Variants in POLB observed in about 807,000 individuals in gnomAD.
POLB encodes 5'-dRP lyase.
A neutral mutation model predicts 52.7 loss-of-function variants in POLB; 37 were observed. The observed-to-expected ratio is 0.70, with a 90% confidence interval of 0.54 to 0.92. The LOEUF (loss-of-function observed/expected upper bound fraction) is 0.92, where lower values mean the gene tolerates loss of function less well. Ranked by LOEUF, POLB falls within the 40% of genes least tolerant of loss-of-function variation. The pLI, the probability that POLB is intolerant of heterozygous loss-of-function variation, is 0.00. For synonymous variants in POLB, 138 were observed against 131.3 expected (o/e 1.05, Z -0.35); for missense variants, 313 against 400.8 (o/e 0.78, Z 1.87).
chr8:42,339,044 G>T lies in POLB; in HGVS notation c.94G>T (p.Ala32Ser), dbSNP rs770268348. 9 of 1,613,944 alleles carry T rather than the reference G, an allele frequency of 5.6e-6. No homozygotes were observed. The highest frequency in any genetic ancestry group is 2.2e-5 in the South Asian group (2 of 91,074). The change falls in exon 2 of 14, where the codon GCT becomes TCT. Residue 32 changes from alanine to serine, a missense_variant. This residue lies in a region of POLB where 54 missense variants were observed against 63.4 expected (regional missense o/e 0.85). Transcript: ENST00000265421. Reference protein sequence around the residue: ...LANFEKNVSQAIHKYNAYRKA... With the variant: ...LANFEKNVSQSIHKYNAYRKA... ...AAACTTTGAGAAGAACGTGAGCCAAGCTATCCACAAGTACAATGCTTACAG... is the reference window on the plus strand; with the variant it reads ...AAACTTTGAGAAGAACGTGAGCCAATCTATCCACAAGTACAATGCTTACAG...
At chr8:42,365,093 G>GAAAAAAA (rs905759863) in intron 11 of POLB, among the ~76,000 whole-genome samples, 2 of 145,764 alleles carry the variant, frequency 1.4e-5, no homozygotes, top group African/African-American at 5.1e-5. Flanking sequence ...TCTCAAAAAA[G>GAAAAAAA]AAAAAAAAAA....
chr8:42,341,777 G>T, intron 2 of POLB: 1 of 468,184 alleles, frequency 2.1e-6, no homozygotes, highest in Non-Finnish European at 4.1e-6. Flanking sequence ...TTAGCTCTCT[G>T]CAGCCCCCTC....
chr8:42,349,100 T>C lies in POLB; in HGVS notation c.261+10T>C. 1.3e-6 allele frequency: 2 copies of C among 1,495,490 alleles called. No homozygotes were observed. The highest frequency in any genetic ancestry group is 1.9e-6 in the Non-Finnish European group (2 of 1,074,532). The allele number at this position is 1,495,490 out of a possible 1,614,324, so 92.6% of individuals were successfully genotyped here. A position where few individuals can be genotyped will look rare whatever the true frequency, so the allele number is the denominator to read the frequency against. On this transcript the variant is annotated intron_variant, in intron 4 of 13. Coordinates refer to ENST00000265421, the MANE Select transcript of POLB (RefSeq NM_002690.3). ...ACGTAAACTGGAAAAGGTAAAATTT[T>C]AACTTGTTTACTTCATTAATTATAG...
intron 1 of POLB, 84 bp from the exon 2 acceptor site, chr8:42,338,928 A>G: frequency 8.3e-7 from 1 of 1,206,366 alleles, no homozygotes. Flanking sequence ...TGTCTCTTAG[A>G]GGCTGCCATA....
At chr8:42,360,453 G>C (rs368008541) in intron 9 of POLB, among the ~76,000 whole-genome samples, 2 of 152,058 alleles carry the variant, frequency 1.3e-5, no homozygotes, top group Non-Finnish European at 2.9e-5. Flanking sequence ...TGTATACCAG[G>C]CACTATAGTG....
At chr8:42,350,872 A>AT (rs34783985) in intron 5 of POLB, among the ~76,000 whole-genome samples, 2 of 148,146 alleles carry the variant, frequency 1.4e-5, no homozygotes, top group African/African-American at 2.5e-5. Flanking sequence ...AATTACAAAA[A>AT]TTTTTTTTTT....
At chr8:42,360,174 C>T (rs1435884502) in intron 9 of POLB, among the ~76,000 whole-genome samples, 2 of 150,320 alleles carry the variant, frequency 1.3e-5, no homozygotes, top group African/African-American at 4.9e-5. Context: ...CCAGGCTGGT[C>T]TTGACCTCCT....
At chr8:42,359,268 A>G (rs1405593531) in intron 9 of POLB, among the ~76,000 whole-genome samples, 2 of 152,186 alleles carry the variant, frequency 1.3e-5, no homozygotes, top group Non-Finnish European at 2.9e-5. Flanking sequence ...ATAAAGTTAC[A>G]TAATATATAT....
intron 2 of POLB, chr8:42,342,390 T>C: frequency 6.8e-7 from 1 of 1,466,174 alleles, no homozygotes; most frequent in South Asian, 1.1e-5. Flanking sequence ...ATTTTGGCAG[T>C]TCGTGTGCAT....
intron 2 of POLB, 75 bp downstream of exon 2, chr8:42,339,144 G>A (rs1461834291): frequency 1.1e-5 from 12 of 1,098,940 alleles, no homozygotes; most frequent in Admixed American, 6.8e-5. Flanking sequence ...ACAGGACTGA[G>A]GGCCCAGTGG....
At chr8:42,355,281 G>A (rs529125403) in intron 6 of POLB, among the ~76,000 whole-genome samples, 16 of 151,750 alleles carry the variant, frequency 1.1e-4, no homozygotes, top group Non-Finnish European at 2.1e-4. Context: ...CTTGTGATCC[G>A]CCCGCCTCGG....
chr8:42,338,660 CG>C lies in POLB; in HGVS notation c.41del (p.Gly14GlufsTer16). ...KRKAPQETLN[G>X]GITDMLTELA... ...GGAAGGCGCCGCAGGAGACTCTCAA[CG>C]GGGGAATCACCGACATGCTCACAGG... On this transcript the variant is annotated frameshift_variant, in exon 1 of 14. Coordinates refer to ENST00000265421, the MANE Select transcript of POLB (RefSeq NM_002690.3). LOFTEE classifies it high-confidence loss of function. The C allele has an allele frequency of 5.0e-6, 8 of 1,614,158 alleles. No homozygotes were observed. Among genetic ancestry groups the C allele is most frequent in the Non-Finnish European group, 6.8e-6 (8 of 1,179,966 alleles).
chr8:42,364,449 G>A (rs538123472), intron 11 of POLB, among the ~76,000 whole-genome samples: 9 of 151,890 alleles, frequency 5.9e-5, no homozygotes, highest in South Asian at 2.1e-4. Flanking sequence ...GACTGGTCTC[G>A]AACTCCTCAG....
At chr8:42,343,369 T>TATATATATATATATATATACAC (rs761101423) in intron 2 of POLB, among the ~76,000 whole-genome samples, 11 of 36,302 alleles carry the variant, frequency 3.0e-4, no homozygotes, top group Non-Finnish European at 6.7e-4. Context: ...TATATATATA[T>TATATATATATATATATATACAC]ACACAAAATT....
intron 13 of POLB, 99 bp from the exon 14 acceptor site, chr8:42,371,464 C>T: frequency 7.2e-5 from 32 of 444,674 alleles, no homozygotes; most frequent in Admixed American, 1.6e-4. Flanking sequence ...TTTCTTTTTT[C>T]TTCTGAAAGC....
rs559234851 is a variant in POLB, at chr8:42,344,687, C to T, written c.120-266C>T. ...ATCTCCACTAAAATACAAGAAGGCGCGCCTGTAGTCCCAGCTACTCGGGAG... is the reference window on the plus strand; with the variant it reads ...ATCTCCACTAAAATACAAGAAGGCGTGCCTGTAGTCCCAGCTACTCGGGAG... On this transcript the variant is annotated intron_variant, in intron 2 of 13. Coordinates refer to ENST00000265421, the MANE Select transcript of POLB (RefSeq NM_002690.3). Among the ~76,000 whole-genome samples, 18 of 150,880 alleles carry T rather than the reference C, an allele frequency of 1.2e-4. No individual in the cohort carries two copies. In the South Asian group the frequency reaches 2.5e-3, roughly 21 times the overall value.
At chr8:42,369,461 G>T (rs1824244265) in intron 12 of POLB, 126 bp downstream of exon 12, 1 of 590,826 alleles carries the variant, frequency 1.7e-6, no homozygotes, top group African/African-American at 1.9e-5. Context: ...AGAGCCATAT[G>T]TTCTTGCCAA....
intron 9 of POLB, among the ~76,000 whole-genome samples, chr8:42,359,355 CTTAT>C (rs1201495333): frequency 1.3e-5 from 2 of 151,378 alleles, no homozygotes; most frequent in Non-Finnish European, 2.9e-5. Context: ...AGAAAACTTC[CTTAT>C]TTATTTATTT....
chr8:42,365,223 G>A (rs535932325), intron 11 of POLB, among the ~76,000 whole-genome samples: 2 of 152,268 alleles, frequency 1.3e-5, no homozygotes, highest in Admixed American at 6.5e-5. Context: ...TATTTTCTAA[G>A]GTGGTCACAC....
Sources: allele counts gnomAD v4.1 joint callset (sites outside exome capture counted in the v4.1 genomes callset), GRCh38; gene constraint gnomAD v4.1.1; regional missense constraint gnomAD v4.1.1; transcripts MANE v1.5; gene names NCBI Gene and HGNC (gene_info 2026-07-23, HGNC 2026-07-21).